Variants in MAP4K3 observed in about 807,000 individuals in gnomAD.
MAP4K3 encodes MAPK/ERK kinase kinase kinase 3.
Under a neutral mutation model 143.5 loss-of-function variants are expected in MAP4K3, and 94 were observed. The ratio of observed to expected loss-of-function variants is 0.65; its 90% CI spans 0.55 to 0.78. The LOEUF (loss-of-function observed/expected upper bound fraction) is 0.78, where lower values mean the gene tolerates loss of function less well. Ranked by LOEUF, MAP4K3 falls within the 30% of genes least tolerant of loss-of-function variation. MAP4K3 has a pLI of 0.00. For missense variants in MAP4K3, 1,077 were observed against 1,068.1 expected (o/e 1.01, Z -0.12); for synonymous variants, 416 against 347.2 (o/e 1.20, Z -2.20).
chr2:39,305,839 T>A (rs935464946), intron 15 of MAP4K3, among the ~76,000 whole-genome samples: 1 of 152,134 alleles, frequency 6.6e-6, no homozygotes, highest in Non-Finnish European at 1.5e-5. Flanking sequence ...AATTTTTTTT[T>A]TTTTTTTTAA....
chr2:39,308,640 T>C (rs977388134), intron 14 of MAP4K3, among the ~76,000 whole-genome samples: 3 of 152,210 alleles, frequency 2.0e-5, no homozygotes, highest in African/African-American at 7.2e-5. Flanking sequence ...TATTTTCCAA[T>C]GTCTCATTTT....
At chr2:39,331,414 T>C (rs1328660283) in intron 8 of MAP4K3, among the ~76,000 whole-genome samples, 1 of 152,076 alleles carries the variant, frequency 6.6e-6, no homozygotes, top group Non-Finnish European at 1.5e-5. Context: ...TGGAGAAGAC[T>C]GGTAAGAGCT....
chr2:39,389,774 A>T (rs1666602949), intron 1 of MAP4K3, among the ~76,000 whole-genome samples: 1 of 152,214 alleles, frequency 6.6e-6, no homozygotes, highest in Non-Finnish European at 1.5e-5. Context: ...CTTCTAAAGG[A>T]TGTATTTCAG....
chr2:39,313,065 C>G (rs971428141), intron 13 of MAP4K3, among the ~76,000 whole-genome samples: 1 of 152,228 alleles, frequency 6.6e-6, no homozygotes, highest in African/African-American at 2.4e-5. Context: ...TATGGAGATT[C>G]AAACCTTACA....
At chr2:39,361,651 C>T (rs1332258373) in intron 2 of MAP4K3, among the ~76,000 whole-genome samples, 1 of 151,608 alleles carries the variant, frequency 6.6e-6, no homozygotes, top group African/African-American at 2.4e-5. Context: ...AAAGTTTAAA[C>T]TTGCTTTTAA....
intron 1 of MAP4K3, among the ~76,000 whole-genome samples, chr2:39,397,875 A>G (rs1365244603): frequency 6.6e-6 from 1 of 152,204 alleles, no homozygotes; most frequent in Non-Finnish European, 1.5e-5. Flanking sequence ...AGAAATACAA[A>G]TGGCCCTTGA....
intron 4 of MAP4K3, among the ~76,000 whole-genome samples, chr2:39,340,223 G>C (rs1458475727): frequency 6.6e-6 from 1 of 152,160 alleles, no homozygotes; most frequent in Admixed American, 6.5e-5. Flanking sequence ...AGAAGAGAGA[G>C]ACACATAGAA....
rs1022296805 is a variant in MAP4K3 at position 39,281,722 on chromosome 2, A to T, written c.1629+791T>A. Among the ~76,000 whole-genome samples the T allele has an allele frequency of 1.1e-4, 16 of 151,842 alleles. 1 individual carries two copies. The highest frequency in any genetic ancestry group is 2.7e-4 in the African/African-American group (11 of 41,376). ...TGGGAAAATCTGCCCTATTTTATGTATTTCTCTGCTGTAATATATATGCTA... is the reference window on the plus strand; with the variant it reads ...TGGGAAAATCTGCCCTATTTTATGTTTTTCTCTGCTGTAATATATATGCTA... On this transcript the variant is annotated intron_variant, in intron 22 of 33. Transcript: ENST00000263881.
At chr2:39,314,399 T>C (rs1184158802) in intron 13 of MAP4K3, among the ~76,000 whole-genome samples, 1 of 152,248 alleles carries the variant, frequency 6.6e-6, no homozygotes, top group Non-Finnish European at 1.5e-5. Flanking sequence ...TATTAAAATA[T>C]GAGAAATGCT....
chr2:39,358,189 A>G (rs1269850039), intron 2 of MAP4K3, among the ~76,000 whole-genome samples: 1 of 152,194 alleles, frequency 6.6e-6, no homozygotes, highest in Admixed American at 6.5e-5. Flanking sequence ...AGATAACTAT[A>G]AGCATCATAA....
At chr2:39,264,410 A>G (rs1168431537) in intron 28 of MAP4K3, among the ~76,000 whole-genome samples, 2 of 152,206 alleles carry the variant, frequency 1.3e-5, no homozygotes, top group East Asian at 1.9e-4. Flanking sequence ...GGTAAAACTG[A>G]TATGAAAACG....
At chr2:39,331,670 A>T (rs1683685018) in intron 8 of MAP4K3, among the ~76,000 whole-genome samples, 1 of 152,136 alleles carries the variant, frequency 6.6e-6, no homozygotes, top group African/African-American at 2.4e-5. Context: ...GCAAGGCTAG[A>T]ACAAATATTA....
At chr2:39,368,845 G>A (rs1372685813) in intron 2 of MAP4K3, among the ~76,000 whole-genome samples, 1 of 152,110 alleles carries the variant, frequency 6.6e-6, no homozygotes, top group Non-Finnish European at 1.5e-5. Context: ...AACCACAGCT[G>A]TATAAAACTC....
Position 39,288,132 on chromosome 2 carries a change from G to A in MAP4K3, c.1463C>T (p.Pro488Leu), listed in dbSNP as rs1046856285. The A allele has an allele frequency of 3.1e-6, 5 of 1,613,936 alleles. No homozygotes were observed. Among genetic ancestry groups the A allele is most frequent in the Admixed American group, 1.7e-5 (1 of 59,986 alleles). Residue 488 changes from proline (P) to leucine (L), a missense_variant, in exon 20 of 34, where the codon CCT becomes CTT. Physicochemically the swap from Pro to Leu is moderately conservative, Grantham distance 98 (BLOSUM62 -3). This residue lies in a region of MAP4K3 where 864 missense variants were observed against 801.2 expected (regional missense o/e 1.08). Transcript: ENST00000263881. ...CCCTCCACCATTACCTAAGGCAACA[G>A]GTTTGTGTGGGGGTAATCTGGGAGG... ...PPPPRLPPHK[P>L]VALGNGMSSF... is the part of the protein sequence containing the mutation.
chr2:39,436,663 A>C (rs1469709322), intron 1 of MAP4K3: 2 of 552,124 alleles, frequency 3.6e-6, no homozygotes, highest in Non-Finnish European at 6.4e-6. Context: ...GAGGTGGCAA[A>C]AATCATGTCC....
intron 1 of MAP4K3, among the ~76,000 whole-genome samples, chr2:39,387,165 T>C (rs1474758756): frequency 1.3e-5 from 2 of 152,236 alleles, no homozygotes; most frequent in African/African-American, 4.8e-5. Flanking sequence ...CACAATAATT[T>C]TGTGATTCCT....
At chr2:39,353,600 T>A (rs1665519801) in intron 3 of MAP4K3, among the ~76,000 whole-genome samples, 1 of 152,198 alleles carries the variant, frequency 6.6e-6, no homozygotes, top group Non-Finnish European at 1.5e-5. Flanking sequence ...AAAACTTAGA[T>A]GTTAAATTCT....
At chr2:39,303,956 T>C (rs1682602778) in intron 15 of MAP4K3, among the ~76,000 whole-genome samples, 1 of 152,210 alleles carries the variant, frequency 6.6e-6, no homozygotes. Context: ...GACGGATGTG[T>C]AATATAATCT....
At chr2:39,329,522 G>A (rs760638335) in intron 8 of MAP4K3, among the ~76,000 whole-genome samples, 3 of 152,166 alleles carry the variant, frequency 2.0e-5, no homozygotes, top group Non-Finnish European at 4.4e-5. Flanking sequence ...ATGTTGACAA[G>A]CTAGGTTTAA....
Sources: allele counts gnomAD v4.1 joint callset (sites outside exome capture counted in the v4.1 genomes callset), GRCh38; gene constraint gnomAD v4.1.1; regional missense constraint gnomAD v4.1.1; transcripts MANE v1.5; gene names NCBI Gene and HGNC (gene_info 2026-07-23, HGNC 2026-07-21).